The following GCNT2 variants were observed in gnomAD, a reference collection of about 807,000 sequenced individuals.
The protein encoded by GCNT2 is N-acetyllactosaminide beta-1,6-N-acetylglucosaminyl-transferase.
In GCNT2, 34 loss-of-function variants were observed where a neutral mutation model predicts 34.2. The ratio of observed to expected loss-of-function variants is 1.00; its 90% CI spans 0.76 to 1.32. The LOEUF (loss-of-function observed/expected upper bound fraction) is 1.32, where lower values mean the gene tolerates loss of function less well. GCNT2 is among the 40% of genes most tolerant of loss of function. The probability of loss-of-function intolerance (pLI) is 0.00; values close to 1 mark genes in which losing one functional copy is unlikely to be tolerated. For synonymous variants in GCNT2, 212 were observed against 188.0 expected, an observed-to-expected ratio of 1.13 and a Z score of -1.04; for missense variants, 584 against 489.4, an observed-to-expected ratio of 1.19 and a Z score of -1.82.
chr6:10,581,378 C>G (rs1468780051), intron 3 of GCNT2, among the ~76,000 whole-genome samples: 1 of 152,132 alleles, frequency 6.6e-6, no homozygotes, highest in Non-Finnish European at 1.5e-5. Context: ...TCAAGTGATT[C>G]TCCTGCCTCA....
At chr6:10,571,814 G>A (rs1763566058) in intron 3 of GCNT2, among the ~76,000 whole-genome samples, 1 of 152,174 alleles carries the variant, frequency 6.6e-6, no homozygotes, top group African/African-American at 2.4e-5. Flanking sequence ...TTGTCCCCAT[G>A]CCTCAGTGGT....
rs146476004 is a variant in GCNT2 at position 10,551,382 on chromosome 6, C to A, written c.925+21546C>A. On this transcript the variant is annotated intron_variant, in intron 3 of 4. Transcript: ENST00000495262. ...CTTTAAAATTCTGCATGTTAAACTT[C>A]TTTCCCCGCCTCTGAGATAATTTAT... is the stretch of plus-strand genomic sequence containing the variant. Among the ~76,000 whole-genome samples the A allele has an allele frequency of 7.8e-3, 1,174 of 151,118 alleles. 10 individuals are homozygous for A. Among genetic ancestry groups the A allele is most frequent in the African/African-American group, 0.027 (1,112 of 41,332 alleles).
At chr6:10,581,652 A>G (rs1267877643) in intron 3 of GCNT2, 1 of 611,098 alleles carries the variant, frequency 1.6e-6, no homozygotes, top group African/African-American at 2.0e-5. Flanking sequence ...TGGCTACATC[A>G]TGTTGAAAGA....
chr6:10,547,664 C>T (rs922361951), intron 3 of GCNT2, among the ~76,000 whole-genome samples: 1 of 152,182 alleles, frequency 6.6e-6, no homozygotes, highest in African/African-American at 2.4e-5. Flanking sequence ...TCCTGTTTAT[C>T]AAACAATCAC....
intron 3 of GCNT2, among the ~76,000 whole-genome samples, chr6:10,617,141 A>C (rs1335061591): frequency 6.6e-6 from 1 of 152,150 alleles, no homozygotes; most frequent in Non-Finnish European, 1.5e-5. Context: ...CTGGCCGCGC[A>C]GGAGCCCATG....
chr6:10,615,838 G>A (rs1765735317), intron 3 of GCNT2, among the ~76,000 whole-genome samples: 1 of 152,226 alleles, frequency 6.6e-6, no homozygotes, highest in African/African-American at 2.4e-5. Context: ...TATGGCAGTG[G>A]TGGGAGTGTA....
chr6:10,565,582 C>T (rs1392450253), intron 3 of GCNT2, among the ~76,000 whole-genome samples: 2 of 152,214 alleles, frequency 1.3e-5, no homozygotes, highest in Non-Finnish European at 1.5e-5. Flanking sequence ...ATAAAATCTC[C>T]AGCAAGGCTT....
chr6:10,564,660 G>A (rs892873171), intron 3 of GCNT2, among the ~76,000 whole-genome samples: 4 of 152,152 alleles, frequency 2.6e-5, no homozygotes, highest in African/African-American at 7.2e-5. Flanking sequence ...GTGTGACCTC[G>A]GACAAAGTAC....
intron 3 of GCNT2, among the ~76,000 whole-genome samples, chr6:10,574,271 A>G (rs1169726163): frequency 6.6e-6 from 1 of 151,950 alleles, no homozygotes; most frequent in Non-Finnish European, 1.5e-5. Flanking sequence ...TCCACCAGAA[A>G]CCAGTTTCGG....
At position 10,588,550 on chromosome 6, in the gene GCNT2, G is replaced by A. The variant is rs185663136; in HGVS notation, c.926-32801G>A. On this transcript the variant is annotated intron_variant, in intron 3 of 4. Coordinates refer to ENST00000495262, the MANE Select transcript of GCNT2 (RefSeq NM_145649.5). Reference sequence around the variant, plus strand: ...GTGTGAGCCGTTTCTCTTGCACTAGGAAAAGAAGGAATGAGCATTTCTTTT... The same window carrying A: ...GTGTGAGCCGTTTCTCTTGCACTAGAAAAAGAAGGAATGAGCATTTCTTTT... 1.8e-4 allele frequency among the ~76,000 whole-genome samples: 27 copies of A among 152,290 alleles called. No individual in the cohort carries two copies. The East Asian group carries it at 4.8e-3, about 27-fold the overall frequency.
intron 3 of GCNT2, among the ~76,000 whole-genome samples, chr6:10,540,486 C>T (rs1010306688): frequency 1.3e-5 from 2 of 152,188 alleles, no homozygotes; most frequent in Non-Finnish European, 2.9e-5. Flanking sequence ...CTTGCAGCAC[C>T]TCTTCCATTG....
At chr6:10,538,437 A>AAAAAT (rs1554127249) in intron 3 of GCNT2, among the ~76,000 whole-genome samples, 29 of 73,318 alleles carry the variant, frequency 4.0e-4, no homozygotes, top group Non-Finnish European at 5.7e-4. Context: ...AAAAAAAAAA[A>AAAAAT]ATATATATAT....
At chr6:10,553,582 T>G (rs571715708) in intron 3 of GCNT2, among the ~76,000 whole-genome samples, 1 of 152,190 alleles carries the variant, frequency 6.6e-6, no homozygotes, top group African/African-American at 2.4e-5. Flanking sequence ...GTTCTACATA[T>G]CATCCTAAGT....
intron 3 of GCNT2, among the ~76,000 whole-genome samples, chr6:10,573,782 A>G (rs116257101): frequency 2.6e-5 from 4 of 152,328 alleles, no homozygotes; most frequent in Admixed American, 2.0e-4. Flanking sequence ...AGTCAGATGC[A>G]GTGTCAAAGC....
chr6:10,536,386 T>G (rs987036195), intron 3 of GCNT2, among the ~76,000 whole-genome samples: 3 of 151,966 alleles, frequency 2.0e-5, no homozygotes, highest in African/African-American at 7.3e-5. Flanking sequence ...GAGACAGTCT[T>G]GCTCTGTTGC....
intron 3 of GCNT2, chr6:10,557,410 C>A: frequency 8.2e-7 from 1 of 1,225,214 alleles, no homozygotes; most frequent in Non-Finnish European, 1.2e-6. Flanking sequence ...GAATAACCAG[C>A]CACTTTTTAT....
chr6:10,617,048 C>G (rs928604380), intron 3 of GCNT2, among the ~76,000 whole-genome samples: 1 of 152,272 alleles, frequency 6.6e-6, no homozygotes, highest in African/African-American at 2.4e-5. Context: ...CAGTCCCACT[C>G]CGTGCGCCTG....
chr6:10,522,237 G>A (rs912215684), intron 1 of GCNT2, among the ~76,000 whole-genome samples: 2 of 152,134 alleles, frequency 1.3e-5, no homozygotes, highest in East Asian at 3.9e-4. Context: ...ACATTCCTGT[G>A]AGGTATGAAC....
intron 3 of GCNT2, among the ~76,000 whole-genome samples, chr6:10,589,754 T>A (rs942855641): frequency 6.6e-6 from 1 of 152,172 alleles, no homozygotes; most frequent in Non-Finnish European, 1.5e-5. Flanking sequence ...TTATAGGTAA[T>A]AAAACTGATT....
Sources: gnomAD v4.1 joint callset for allele counts (sites outside exome capture counted in the v4.1 genomes callset) on GRCh38, gnomAD v4.1.1 for gene constraint, MANE v1.5 for transcripts, NCBI Gene and HGNC (gene_info 2026-07-23, HGNC 2026-07-21) for gene names.